Variants in TP63 observed in about 807,000 individuals in gnomAD.
TP63 encodes tumor protein p63.
A neutral mutation model predicts 82.8 loss-of-function variants in TP63; 17 were observed. The ratio of observed to expected loss-of-function variants is 0.21; its 90% confidence interval spans 0.14 to 0.31. TP63 has a LOEUF of 0.31. TP63 is among the 10% of genes least tolerant of loss of function. TP63 has a pLI of 1.00. For synonymous variants in TP63, 330 were observed against 321.7 expected, an observed-to-expected ratio of 1.03 and a Z score of -0.28; for missense variants, 648 against 895.3, an observed-to-expected ratio of 0.72 and a Z score of 3.52.
chr3:189,809,869 A>G (rs1311708540), intron 4 of TP63, among the ~76,000 whole-genome samples: 1 of 152,170 alleles, frequency 6.6e-6, no homozygotes, highest in Non-Finnish European at 1.5e-5. Context: ...AAGCTGAAGA[A>G]GTTGGAGGTT....
chr3:189,875,613 T>TATATATACACACAC (rs1553859699), intron 10 of TP63, among the ~76,000 whole-genome samples: 11 of 105,506 alleles, frequency 1.0e-4, no homozygotes, highest in East Asian at 2.9e-4. Context: ...TATATATATA[T>TATATATACACACAC]ATATATATAT....
intron 1 of TP63, among the ~76,000 whole-genome samples, chr3:189,638,301 T>G (rs1711523048): frequency 6.6e-6 from 1 of 152,072 alleles, no homozygotes; most frequent in South Asian, 2.1e-4. Flanking sequence ...TTTTTTATGG[T>G]GCCAAGTGGG....
chr3:189,658,083 C>T lies in TP63; in HGVS notation c.62+26506C>T, dbSNP rs554266537. Reference sequence around the variant, plus strand: ...CATCCTGTGTTTTCAAAAAGTAAAGCGTTTCTAACAACAGAAACAATCCAC... The same window carrying T: ...CATCCTGTGTTTTCAAAAAGTAAAGTGTTTCTAACAACAGAAACAATCCAC... On this transcript the variant is annotated intron_variant, in intron 1 of 13. Coordinates refer to ENST00000264731, the MANE Select transcript of TP63 (RefSeq NM_003722.5). 2.6e-5 allele frequency among the ~76,000 whole-genome samples: 4 copies of T among 152,030 alleles called. No homozygotes were observed. The South Asian group carries it at 6.2e-4, about 24-fold the overall frequency.
chr3:189,635,349 C>T (rs993244844), intron 1 of TP63, among the ~76,000 whole-genome samples: 1 of 152,092 alleles, frequency 6.6e-6, no homozygotes, highest in African/African-American at 2.4e-5. Flanking sequence ...AAGATCATTT[C>T]ATTTGTAAGT....
chr3:189,700,969 T>A (rs962383900), intron 1 of TP63, among the ~76,000 whole-genome samples: 1 of 152,208 alleles, frequency 6.6e-6, no homozygotes, highest in Non-Finnish European at 1.5e-5. Flanking sequence ...TAATGAATCC[T>A]GGTTAAAAGC....
chr3:189,746,901 AG>A (rs1269140558), intron 3 of TP63, among the ~76,000 whole-genome samples: 1 of 151,700 alleles, frequency 6.6e-6, no homozygotes, highest in Non-Finnish European at 1.5e-5. Context: ...ATGGAAGAAA[AG>A]GAATGAAAAA....
chr3:189,639,822 A>G (rs1296754223), intron 1 of TP63, among the ~76,000 whole-genome samples: 2 of 152,170 alleles, frequency 1.3e-5, no homozygotes, highest in African/African-American at 4.8e-5. Flanking sequence ...ATGGGAATAA[A>G]TAATAGAACA....
chr3:189,718,070 A>C (rs11921880), intron 1 of TP63, among the ~76,000 whole-genome samples: 52 of 152,280 alleles, frequency 3.4e-4, no homozygotes, highest in African/African-American at 1.2e-3. Flanking sequence ...CAATCTTTAC[A>C]GAGGGTAACC....
At chr3:189,645,378 G>A in intron 1 of TP63, 2 of 520,078 alleles carry the variant, frequency 3.8e-6, no homozygotes, top group East Asian at 3.2e-5. Flanking sequence ...TATTCCAGCT[G>A]CAGTTTGGTC....
chr3:189,799,161 G>T (rs1340375827), intron 3 of TP63, among the ~76,000 whole-genome samples: 1 of 152,056 alleles, frequency 6.6e-6, no homozygotes, highest in Non-Finnish European at 1.5e-5. Context: ...TTATATTGGA[G>T]CATAAATTTA....
At chr3:189,878,673 C>A (rs1476425971) in intron 10 of TP63, among the ~76,000 whole-genome samples, 1 of 151,488 alleles carries the variant, frequency 6.6e-6, no homozygotes, top group Non-Finnish European at 1.5e-5. Flanking sequence ...GTGATCCCCC[C>A]GACCTTGGCC....
intron 1 of TP63, among the ~76,000 whole-genome samples, chr3:189,714,039 T>A (rs912206376): frequency 2.0e-5 from 3 of 152,172 alleles, no homozygotes; most frequent in Non-Finnish European, 2.9e-5. Flanking sequence ...AAAAGCAATT[T>A]AGACAAAGTT....
rs80233316 is a variant in TP63 at position 189,648,142 on chromosome 3, A to G, written c.62+16565A>G. 3.4e-4 allele frequency among the ~76,000 whole-genome samples: 50 copies of G among 147,350 alleles called. 5 individuals carry two copies. The highest frequency in any genetic ancestry group is 1.2e-3 in the African/African-American group (47 of 39,448). On this transcript the variant is annotated intron_variant, in intron 1 of 13. Coordinates refer to ENST00000264731, the MANE Select transcript of TP63 (RefSeq NM_003722.5). ...AAACATTTAAAGAAACCAAAAATAAAGAACAAGAAGTAATGGAAGAGGAGG... is the reference window on the plus strand; with the variant it reads ...AAACATTTAAAGAAACCAAAAATAAGGAACAAGAAGTAATGGAAGAGGAGG...
At chr3:189,748,363 A>G (rs1721533796) in intron 3 of TP63, among the ~76,000 whole-genome samples, 1 of 152,104 alleles carries the variant, frequency 6.6e-6, no homozygotes, top group Non-Finnish European at 1.5e-5. Flanking sequence ...ATCAAAATAC[A>G]AAAATCAGTA....
intron 4 of TP63, among the ~76,000 whole-genome samples, chr3:189,844,638 TAAAA>T (rs1269703303): frequency 3.3e-5 from 5 of 152,302 alleles, no homozygotes; most frequent in Non-Finnish European, 7.4e-5. Context: ...ATATGAAATT[TAAAA>T]TGTTTTTCAA....
At chr3:189,690,183 ATATCATGCTTTC>A (rs1394624184) in intron 1 of TP63, among the ~76,000 whole-genome samples, 26 of 152,318 alleles carry the variant, frequency 1.7e-4, no homozygotes, top group African/African-American at 6.0e-4. Context: ...GTAGAATGTA[ATATCATGCTTTC>A]TACTAGGTGG....
At chr3:189,605,960 C>G in the TP63 span, among the ~76,000 whole-genome samples, 1 of 152,180 alleles carries the variant, frequency 6.6e-6, no homozygotes, top group African/African-American at 2.4e-5. Flanking sequence ...TGTAAGACAA[C>G]TACCGGGATA....
chr3:189,776,274 C>T (rs1249254126), intron 3 of TP63, among the ~76,000 whole-genome samples: 1 of 152,080 alleles, frequency 6.6e-6, no homozygotes, highest in African/African-American at 2.4e-5. Context: ...ATTATCATTA[C>T]AATAAGCCCG....
At chr3:189,664,915 T>A (rs996614782) in intron 1 of TP63, among the ~76,000 whole-genome samples, 2 of 152,144 alleles carry the variant, frequency 1.3e-5, no homozygotes, top group African/African-American at 4.8e-5. Flanking sequence ...AGCTAGCTTG[T>A]ACCTGCTCAT....
Sources: allele counts gnomAD v4.1 joint callset (sites outside exome capture counted in the v4.1 genomes callset), GRCh38; gene constraint gnomAD v4.1.1; transcripts MANE v1.5; gene names NCBI Gene and HGNC (gene_info 2026-07-23, HGNC 2026-07-21).